DGKD: variants seen among roughly 807,000 people sequenced by gnomAD.
DGKD encodes diacylglycerol kinase delta, also known as DAG kinase delta.
A neutral mutation model predicts 154.4 loss-of-function variants in DGKD; 68 were observed. That is an observed-to-expected ratio of 0.44 (90% CI 0.36 to 0.54). The LOEUF is 0.54. DGKD is among the 20% of genes least tolerant of loss of function. The pLI is 0.00. For missense variants in DGKD, 1,343 were observed against 1,593.6 expected (o/e 0.84, Z 2.68); for synonymous variants, 693 against 638.0 (o/e 1.09, Z -1.30).
chr2:233,389,588 A>T (rs545538221), intron 2 of DGKD, among the ~76,000 whole-genome samples: 1 of 149,074 alleles, frequency 6.7e-6, no homozygotes, highest in Non-Finnish European at 1.5e-5. Flanking sequence ...AAAAAAAAAA[A>T]CACGACAAAA....
Position 233,369,479 on chromosome 2 carries a change from C to T in DGKD, c.156+14805C>T, listed in dbSNP as rs563513707. 3.6e-3 allele frequency among the ~76,000 whole-genome samples: 555 copies of T among 152,314 alleles called. 1 individual carries two copies. Among genetic ancestry groups the T allele is most frequent in the Non-Finnish European group, 5.9e-3 (398 of 68,032 alleles). On this transcript the variant is annotated intron_variant, in intron 1 of 29. Coordinates refer to ENST00000264057, the MANE Select transcript of DGKD (RefSeq NM_152879.3). ...ACTTTTTAAATAAAGGCCACGTCTT[C>T]CTGCATCTTAGGACAAGAATCACAT...
At position 233,441,811 on chromosome 2, in the gene DGKD, CAGCCCCGTACTGACA is replaced by C. The variant is rs2062900193; in HGVS notation, c.1086-71_1086-57del. 1 of 1,420,022 alleles carries C rather than the reference CAGCCCCGTACTGACA, an allele frequency of 7.0e-7. No individual in the cohort carries two copies. The highest frequency in any genetic ancestry group is 1.4e-5 in the African/African-American group (1 of 71,022). 88.0% of individuals were successfully genotyped at this position (1,420,022 alleles called of 1,614,324 possible). On this transcript the variant is annotated intron_variant, in intron 9 of 29. Transcript: ENST00000264057. This position sits in a 1 kb window ranked among gnomAD's most constrained non-coding sequence, Gnocchi z 5.6. ...GCCATGAGGAGCACAGGTGGCCCCT[CAGCCCCGTACTGACA>C]AGCCTGTCATTTGTCCTGTGGAATG...
intron 12 of DGKD, chr2:233,447,452 A>G: frequency 1.0e-6 from 1 of 983,874 alleles, no homozygotes; most frequent in Non-Finnish European, 1.2e-6. Flanking sequence ...TGCAGGCCAG[A>G]TGTGCCTGGG....
intron 3 of DGKD, among the ~76,000 whole-genome samples, chr2:233,431,800 A>T (rs2924815): frequency 6.6e-6 from 1 of 152,092 alleles, no homozygotes; most frequent in Non-Finnish European, 1.5e-5. Flanking sequence ...ACTCCCATTT[A>T]TTGCCATATG....
At chr2:233,395,563 C>T (rs1248792626) in intron 3 of DGKD, among the ~76,000 whole-genome samples, 1 of 151,066 alleles carries the variant, frequency 6.6e-6, no homozygotes. Flanking sequence ...TTTTCTTTTT[C>T]CTTTCTTTTC....
chr2:233,396,556 A>G (rs1005483082), intron 3 of DGKD, among the ~76,000 whole-genome samples: 4 of 152,172 alleles, frequency 2.6e-5, no homozygotes, highest in Non-Finnish European at 4.4e-5. Context: ...ACAAGCTCCG[A>G]TGGAAGAGCA....
intron 3 of DGKD, chr2:233,408,889 C>T (rs990754405): frequency 6.6e-6 from 1 of 152,216 alleles, no homozygotes. Flanking sequence ...AAATTGGTGG[C>T]TGTTTGCTAA....
intron 14 of DGKD, among the ~76,000 whole-genome samples, 157 bp downstream of exon 14, chr2:233,448,532 C>T (rs1332163833): frequency 2.0e-5 from 3 of 152,194 alleles, no homozygotes; most frequent in Non-Finnish European, 2.9e-5. Flanking sequence ...AATGAAGCAA[C>T]AAAGAACGAA....
chr2:233,415,309 G>A (rs935472565), intron 3 of DGKD, among the ~76,000 whole-genome samples: 2 of 152,232 alleles, frequency 1.3e-5, no homozygotes, highest in Non-Finnish European at 2.9e-5. Context: ...GGTACGTTAG[G>A]GTAGGGCATC....
intron 1 of DGKD, among the ~76,000 whole-genome samples, chr2:233,361,259 G>A (rs912852888): frequency 1.3e-5 from 2 of 152,202 alleles, no homozygotes; most frequent in Admixed American, 1.3e-4. Flanking sequence ...AGTATTGGAA[G>A]GACTGCAGCC....
chr2:233,452,679 G>A lies in DGKD; in HGVS notation c.2264+619G>A, dbSNP rs981244269. 6.6e-6 allele frequency among the ~76,000 whole-genome samples: 1 copy of A among 152,172 alleles called. No individual in the cohort carries two copies. Among genetic ancestry groups the A allele is most frequent in the African/African-American group, 2.4e-5 (1 of 41,428 alleles). On this transcript the variant is annotated intron_variant, in intron 18 of 29. Coordinates refer to ENST00000264057, the MANE Select transcript of DGKD (RefSeq NM_152879.3). The surrounding 1 kb of genome is among the most constrained non-coding windows in gnomAD (Gnocchi z 4.0). ...GCCTTCTTCCTCTGCTGGCCTGTAA[G>A]GCAGTGAGGACATGTATATAGCAGT...
intron 4 of DGKD, 109 bp from the exon 5 acceptor site, chr2:233,434,660 C>T: frequency 2.0e-6 from 3 of 1,530,820 alleles, no homozygotes; most frequent in Non-Finnish European, 8.9e-7. Flanking sequence ...CCTTTATAAA[C>T]CTTCCTCCTC....
chr2:233,438,739 TTATC>T lies in DGKD; in HGVS notation c.1085+362_1085+365del, dbSNP rs994467422. Among the ~76,000 whole-genome samples the T allele has an allele frequency of 6.4e-5, 9 of 139,588 alleles. No homozygotes were observed. Among genetic ancestry groups the T allele is most frequent in the South Asian group, 4.5e-4 (2 of 4,446 alleles). 91.6% of individuals were successfully genotyped at this position (139,588 alleles called of 152,430 possible). Reference sequence around the variant, plus strand: ...TTTCTTTCATTTTATAATTTTTTATTTATCTGTCTATCTATCATCTATCTATCTA... The same window carrying T: ...TTTCTTTCATTTTATAATTTTTTATTTGTCTATCTATCATCTATCTATCTA... On this transcript the variant is annotated intron_variant, in intron 9 of 29. Transcript: ENST00000264057. The surrounding 1 kb of genome is among the most constrained non-coding windows in gnomAD (Gnocchi z 4.1).
Position 233,450,844 on chromosome 2 carries a change from T to C in DGKD, c.2039-78T>C. On this transcript the variant is annotated intron_variant, in intron 16 of 29. Coordinates refer to ENST00000264057, the MANE Select transcript of DGKD (RefSeq NM_152879.3). The stretch of plus-strand genomic sequence containing the variant: ...CTCCCTCCTCAGCCCTCCCACCTGC[T>C]CGTGTCGCTAAGGACCCCCCAGGAT... The C allele has an allele frequency of 2.6e-6, 4 of 1,539,490 alleles. No homozygotes were observed. The East Asian group carries it at 6.9e-5, about 27-fold the overall frequency.
intron 1 of DGKD, among the ~76,000 whole-genome samples, chr2:233,371,397 CTTG>C (rs913297496): frequency 3.3e-5 from 5 of 152,008 alleles, no homozygotes; most frequent in East Asian, 1.9e-4. Flanking sequence ...GGGTTGTCTT[CTTG>C]TTGTTGAATT....
At chr2:233,448,434 A>C (rs956968309) in intron 14 of DGKD, 59 bp downstream of exon 14, 16 of 1,514,126 alleles carry the variant, frequency 1.1e-5, no homozygotes, top group African/African-American at 8.3e-5. Context: ...TTGCTCTGTC[A>C]CCAGCAGAGG....
chr2:233,365,052 ATAAT>A (rs1391197544), intron 1 of DGKD, among the ~76,000 whole-genome samples: 1 of 152,210 alleles, frequency 6.6e-6, no homozygotes, highest in Non-Finnish European at 1.5e-5. Context: ...TTTGGATATA[ATAAT>A]TTAAAATTTG....
intron 3 of DGKD, among the ~76,000 whole-genome samples, chr2:233,421,553 T>C (rs2062113016): frequency 6.6e-6 from 1 of 152,246 alleles, no homozygotes; most frequent in Non-Finnish European, 1.5e-5. Context: ...GTCCTGATGC[T>C]TGCAGGTTGG....
chr2:233,379,204 G>GATA (rs1702754250), intron 1 of DGKD, among the ~76,000 whole-genome samples: 1 of 152,150 alleles, frequency 6.6e-6, no homozygotes, highest in South Asian at 2.1e-4. Flanking sequence ...TTCTGCCTTG[G>GATA]GGGAGTCTGG....
Sources: gnomAD v4.1 joint callset for allele counts (sites outside exome capture counted in the v4.1 genomes callset) on GRCh38, gnomAD v4.1.1 for gene constraint, Gnocchi (gnomAD v3.1) non-coding constraint, MANE v1.5 for transcripts, NCBI Gene and HGNC (gene_info 2026-07-23, HGNC 2026-07-21) for gene names.